TBC1D22B: variants seen among roughly 807,000 people sequenced by gnomAD.
TBC1D22B encodes chromosome 6 open reading frame 197.
In TBC1D22B, 32 loss-of-function variants were observed where a neutral mutation model predicts 69.1. The observed-to-expected ratio is 0.46, with a 90% confidence interval of 0.35 to 0.62. TBC1D22B has a LOEUF of 0.62. Among genes scored for constraint, TBC1D22B ranks in the 20% least tolerant of loss-of-function variants. The pLI is 0.00. For synonymous variants in TBC1D22B, 206 were observed against 229.8 expected (o/e 0.90, Z 0.94); for missense variants, 462 against 630.9 (o/e 0.73, Z 2.87).
In TBC1D22B at chr6:37,327,338, C is replaced by A. The variant is rs373947145; in HGVS notation, c.1390-3706C>A. ...CTAAAAATGCAAAAAATTAGCCGGG[C>A]GTGGTGGTGGGCGCCTGTAGTCCCA... On this transcript the variant is annotated intron_variant, in intron 12 of 12. Coordinates refer to ENST00000373491, the MANE Select transcript of TBC1D22B (RefSeq NM_017772.4). Among the ~76,000 whole-genome samples the A allele has an allele frequency of 2.0e-4, 27 of 135,084 alleles. 3 individuals carry two copies. The highest frequency in any genetic ancestry group is 7.0e-4 in the South Asian group (3 of 4,316). 88.6% of individuals were successfully genotyped at this position (135,084 alleles called of 152,430 possible).
chr6:37,280,426 G>GAA (rs1766787579), intron 3 of TBC1D22B, among the ~76,000 whole-genome samples: 2 of 152,198 alleles, frequency 1.3e-5, no homozygotes, highest in Non-Finnish European at 2.9e-5. Context: ...ATGTTCTGAG[G>GAA]GAACTTTTTC....
At chr6:37,306,168 C>T (rs769726671) in intron 8 of TBC1D22B, among the ~76,000 whole-genome samples, 2 of 152,254 alleles carry the variant, frequency 1.3e-5, no homozygotes, top group Non-Finnish European at 2.9e-5. Context: ...GTGAGCTCTC[C>T]AAGGGCAAGT....
At chr6:37,293,014 G>A (rs1008043198) in intron 8 of TBC1D22B, among the ~76,000 whole-genome samples, 4 of 151,232 alleles carry the variant, frequency 2.6e-5, no homozygotes, top group Non-Finnish European at 5.9e-5. Context: ...TGTTCACTTT[G>A]TGTCTCTGTG....
At chr6:37,276,891 A>G (rs999289618) in intron 2 of TBC1D22B, among the ~76,000 whole-genome samples, 1 of 151,566 alleles carries the variant, frequency 6.6e-6, no homozygotes, top group African/African-American at 2.4e-5. Context: ...GCTCCTTTTC[A>G]AAACAAACAA....
At chr6:37,264,992 C>T (rs1340861391) in intron 1 of TBC1D22B, among the ~76,000 whole-genome samples, 1 of 152,178 alleles carries the variant, frequency 6.6e-6, no homozygotes, top group Non-Finnish European at 1.5e-5. Flanking sequence ...TCTGGTCTAT[C>T]TCCATTTAGT....
intron 12 of TBC1D22B, among the ~76,000 whole-genome samples, chr6:37,329,941 C>T (rs754853469): frequency 1.3e-5 from 2 of 152,206 alleles, no homozygotes; most frequent in African/African-American, 2.4e-5. Flanking sequence ...TGCCCAGCTA[C>T]ACTTCTAGTA....
At chr6:37,282,074 G>A in intron 3 of TBC1D22B, 111 bp from the exon 4 acceptor site, 1 of 1,259,128 alleles carries the variant, frequency 7.9e-7, no homozygotes, top group Non-Finnish European at 1.1e-6. Flanking sequence ...AGTGCACACA[G>A]GCAGCCACAC....
intron 1 of TBC1D22B, among the ~76,000 whole-genome samples, chr6:37,266,240 C>A (rs550539653): frequency 6.6e-6 from 1 of 152,172 alleles, no homozygotes; most frequent in Admixed American, 6.5e-5. Context: ...GGTGTCCCAT[C>A]ATCTTCCAGT....
At position 37,332,619 on chromosome 6, in the gene TBC1D22B, G is replaced by T. The variant is rs9462296; in HGVS notation, c.*1447G>T. 1,705 of 153,004 alleles carry T rather than the reference G, an allele frequency of 0.011. 29 individuals carry two copies. Among genetic ancestry groups the T allele is most frequent in the African/African-American group, 0.039 (1,616 of 41,490 alleles). The allele number at this position is 153,004 out of a possible 1,614,324, so 9.5% of individuals were successfully genotyped here. A position where few individuals can be genotyped will look rare whatever the true frequency, so the allele number is the denominator to read the frequency against. On this transcript the variant is annotated 3_prime_UTR_variant, in exon 13 of 13. Coordinates refer to ENST00000373491, the MANE Select transcript of TBC1D22B (RefSeq NM_017772.4). Reference sequence around the variant, plus strand: ...TGGTATTTGGTAGTGGAGGGTGGGGGGATGGGGGCCAGCAGCTGTCATCCT... The same window carrying T: ...TGGTATTTGGTAGTGGAGGGTGGGGTGATGGGGGCCAGCAGCTGTCATCCT...
intron 1 of TBC1D22B, among the ~76,000 whole-genome samples, chr6:37,264,429 C>T (rs1766206193): frequency 6.6e-6 from 1 of 152,172 alleles, no homozygotes; most frequent in Non-Finnish European, 1.5e-5. Context: ...TCTTGTGCCT[C>T]AGCGTCCTGA....
chr6:37,320,373 C>T lies in TBC1D22B; in HGVS notation c.1389+3167C>T, dbSNP rs149239081. Among the ~76,000 whole-genome samples the T allele has an allele frequency of 1.1e-3, 169 of 152,220 alleles. 2 individuals carry two copies. The highest frequency in any genetic ancestry group is 3.6e-3 in the African/African-American group (151 of 41,520). On this transcript the variant is annotated intron_variant, in intron 12 of 12. Transcript: ENST00000373491. ...TTATCTATAAATGGGGCAATAGTACCTACCTCCTTGGGCTATGATGAGAAT... is the reference window on the plus strand; with the variant it reads ...TTATCTATAAATGGGGCAATAGTACTTACCTCCTTGGGCTATGATGAGAAT...
chr6:37,324,447 T>G, intron 12 of TBC1D22B: 1 of 447,358 alleles, frequency 2.2e-6, no homozygotes, highest in Non-Finnish European at 4.5e-6. Flanking sequence ...GGATACTTTA[T>G]AAGGACTGTG....
chr6:37,325,984 G>C (rs1015535083), intron 12 of TBC1D22B, among the ~76,000 whole-genome samples: 1 of 152,314 alleles, frequency 6.6e-6, no homozygotes, highest in Admixed American at 6.5e-5. Flanking sequence ...CTTGGGGGAA[G>C]TGGGGACATT....
chr6:37,267,386 T>TATATATATACACATATA (rs1766323319), intron 1 of TBC1D22B, among the ~76,000 whole-genome samples: 2 of 2,910 alleles, frequency 6.9e-4, no homozygotes, highest in African/African-American at 1.5e-3. Context: ...ACATATATAA[T>TATATATATACACATATA]ATATATATAC....
chr6:37,259,334 C>T (rs749553446), intron 1 of TBC1D22B, among the ~76,000 whole-genome samples: 18 of 152,270 alleles, frequency 1.2e-4, no homozygotes, highest in Non-Finnish European at 2.5e-4. Context: ...TTTAGGTAAG[C>T]ACACTTCCTG....
chr6:37,308,364 G>A (rs1475290752), intron 8 of TBC1D22B, among the ~76,000 whole-genome samples: 5 of 152,192 alleles, frequency 3.3e-5, no homozygotes, highest in Non-Finnish European at 7.4e-5. Context: ...CCTTCAGAGA[G>A]CATTTGCTCC....
At chr6:37,312,154 C>T (rs1767932489) in intron 8 of TBC1D22B, among the ~76,000 whole-genome samples, 2 of 152,202 alleles carry the variant, frequency 1.3e-5, no homozygotes, top group African/African-American at 2.4e-5. Context: ...CAAAGTTAAG[C>T]AGATTTACTT....
intron 8 of TBC1D22B, among the ~76,000 whole-genome samples, chr6:37,312,147 A>G (rs1302638635): frequency 6.6e-6 from 1 of 152,250 alleles, no homozygotes; most frequent in Non-Finnish European, 1.5e-5. Flanking sequence ...GGATAAACAA[A>G]GTTAAGCAGA....
chr6:37,307,917 A>G (rs760783997), intron 8 of TBC1D22B, among the ~76,000 whole-genome samples: 20 of 152,218 alleles, frequency 1.3e-4, no homozygotes, highest in Non-Finnish European at 2.1e-4. Flanking sequence ...TGGTGTTGGT[A>G]AAACCAGTTC....
Sources: gnomAD v4.1 joint callset for allele counts (sites outside exome capture counted in the v4.1 genomes callset) on GRCh38, gnomAD v4.1.1 for gene constraint, MANE v1.5 for transcripts, NCBI Gene and HGNC (gene_info 2026-07-23, HGNC 2026-07-21) for gene names.